POM121C: variants seen among roughly 807,000 people sequenced by gnomAD.
The protein encoded by POM121C is nuclear envelope pore membrane protein POM 121C.
A neutral mutation model predicts 66.4 loss-of-function variants in POM121C; 20 were observed. The ratio of observed to expected loss-of-function variants is 0.30; its 90% confidence interval spans 0.21 to 0.44. POM121C has a LOEUF of 0.44. Ranked by LOEUF, POM121C falls within the 20% of genes least tolerant of loss-of-function variation. The pLI is 1.00. For synonymous variants in POM121C, 286 were observed against 528.0 expected (o/e 0.54, Z 6.28); for missense variants, 580 against 1,225.7 (o/e 0.47, Z 7.87).
intron 7 of POM121C, among the ~76,000 whole-genome samples, chr7:75,428,700 C>A (rs1204195933): frequency 6.6e-6 from 1 of 152,178 alleles, no homozygotes; most frequent in Non-Finnish European, 1.5e-5. Flanking sequence ...GCCAAAGGGG[C>A]CGGATGAGGT....
rs782308199 is a variant in POM121C at position 75,422,037 on chromosome 7, C to G, written c.2215G>C (p.Ala739Pro). 1.2e-4 allele frequency: 186 copies of G among 1,613,174 alleles called. 2 individuals carry two copies. Among genetic ancestry groups the G allele is most frequent in the Non-Finnish European group, 1.5e-4 (182 of 1,179,488 alleles). ...SFTFGNSAAPAPATAPTPAPA... is the reference protein window; with the variant it reads ...SFTFGNSAAPPPATAPTPAPA... ...GCAGGTGTGGGTGCAGTAGCCGGGG[C>G]CGGGGCTGCAGAGTTTCCAAAAGTG... The change falls in exon 13 of 15, where the codon GCC becomes CCC. Residue 739 changes from alanine (A) to proline (P), a missense_variant. Transcript: ENST00000615331.
chr7:75,481,002 G>A (rs1201819216), intron 1 of POM121C, among the ~76,000 whole-genome samples: 6 of 148,510 alleles, frequency 4.0e-5, no homozygotes, highest in East Asian at 1.9e-4. Context: ...GGCATGACAC[G>A]TTATACCCAC....
rs1789725643 is a variant in POM121C at position 75,421,871 on chromosome 7, A to G, written c.2381T>C (p.Phe794Ser). ...GGAGAAGACAGCAGTGGAGCCGCCA[A>G]AGGCGGGCTGTGAGCTGGCGGGAGC... is the stretch of plus-strand genomic sequence containing the variant. ...FGAPASSQPA[F>S]GGSTAVFSFG... is the part of the protein sequence containing the mutation. The change falls in exon 13 of 15, where the codon TTT becomes TCT. Residue 794 changes from phenylalanine (F) to serine (S), a missense_variant. Physicochemically the swap from Phe to Ser is radical, Grantham distance 155. Transcript: ENST00000615331. The G allele has an allele frequency of 3.1e-6, 5 of 1,611,670 alleles. No individual in the cohort carries two copies. The highest frequency in any genetic ancestry group is 4.2e-6 in the Non-Finnish European group (5 of 1,179,380).
At chr7:75,442,219 CGGCTGGGAG>C in intron 3 of POM121C, 3 of 1,116,624 alleles carry the variant, frequency 2.7e-6, no homozygotes, top group Non-Finnish European at 3.4e-6. Context: ...CGCGATGGGT[CGGCTGGGAG>C]GGCGGTGTGG....
intron 3 of POM121C, among the ~76,000 whole-genome samples, chr7:75,447,752 A>G (rs1554474981): frequency 6.6e-6 from 1 of 151,734 alleles, no homozygotes; most frequent in African/African-American, 2.4e-5. Flanking sequence ...GGCCAGGAGC[A>G]GTGGCTCACG....
chr7:75,449,961 C>T (rs1790965490), intron 3 of POM121C, among the ~76,000 whole-genome samples: 1 of 152,062 alleles, frequency 6.6e-6, no homozygotes, highest in Non-Finnish European at 1.5e-5. Flanking sequence ...GTTGAGTGAG[C>T]CGAGATCGTG....
At chr7:75,452,030 G>T (rs1440102233) in intron 3 of POM121C, among the ~76,000 whole-genome samples, 1 of 151,692 alleles carries the variant, frequency 6.6e-6, no homozygotes, top group Admixed American at 6.6e-5. Flanking sequence ...CTGGCATGGT[G>T]GTGGGCACCT....
At chr7:75,467,254 G>A (rs372280189) in intron 3 of POM121C, among the ~76,000 whole-genome samples, 149 of 152,140 alleles carry the variant, frequency 9.8e-4, no homozygotes, top group African/African-American at 3.1e-3. Context: ...GTAAAGCACC[G>A]GGCGTGGTGG....
Position 75,485,417 on chromosome 7 carries a change from A to G in POM121C, c.-458+447T>C, listed in dbSNP as rs587719934. On this transcript the variant is annotated intron_variant, in intron 1 of 14. Transcript: ENST00000615331. The stretch of plus-strand genomic sequence containing the variant: ...GTGACCTGGTCAAGTCACCCACCTA[A>G]GGCCCAGTCTCTTCCCCTAGCAACT... 1.7e-3 allele frequency among the ~76,000 whole-genome samples: 262 copies of G among 152,224 alleles called. 3 individuals are homozygous for G. In the East Asian group the frequency reaches 0.029, roughly 17 times the overall value.
At chr7:75,457,211 G>C (rs1354311425) in intron 3 of POM121C, among the ~76,000 whole-genome samples, 1 of 149,666 alleles carries the variant, frequency 6.7e-6, no homozygotes, top group Admixed American at 6.7e-5. Flanking sequence ...ATAAATACAT[G>C]AAGCAACGAT....
chr7:75,473,684 T>C (rs1254190252), intron 3 of POM121C, among the ~76,000 whole-genome samples: 1 of 151,818 alleles, frequency 6.6e-6, no homozygotes, highest in Non-Finnish European at 1.5e-5. Context: ...GTTTGTTTGT[T>C]TGTTTGTTTT....
At chr7:75,478,947 A>T (rs2116543481) in intron 1 of POM121C, among the ~76,000 whole-genome samples, 1 of 146,706 alleles carries the variant, frequency 6.8e-6, no homozygotes, top group Middle Eastern at 3.5e-3. Context: ...GACATATTGC[A>T]ATCAAATTGT....
chr7:75,426,044 A>AGCTC (rs1423229330), intron 8 of POM121C, among the ~76,000 whole-genome samples: 17 of 150,424 alleles, frequency 1.1e-4, no homozygotes, highest in African/African-American at 3.4e-4. Context: ...CTAGGGGATC[A>AGCTC]GCTCGAGTCA....
intron 1 of POM121C, among the ~76,000 whole-genome samples, chr7:75,481,810 T>TG (rs1792320084): frequency 6.6e-6 from 1 of 152,080 alleles, no homozygotes; most frequent in South Asian, 2.1e-4. Flanking sequence ...AGTGAGACTC[T>TG]GTCTCCAAAA....
chr7:75,477,065 A>G (rs1792111367), intron 1 of POM121C, among the ~76,000 whole-genome samples: 1 of 151,450 alleles, frequency 6.6e-6, no homozygotes, highest in Admixed American at 6.6e-5. Context: ...TATGTGACAT[A>G]TGTATTTCAA....
Position 75,469,101 on chromosome 7 carries a change from CTTT to C in POM121C, c.-152+5600_-152+5602del, listed in dbSNP as rs782685382. On this transcript the variant is annotated intron_variant, in intron 3 of 14. Transcript: ENST00000615331. Reference sequence around the variant, plus strand: ...TCTGCAAATCTTTTGGGTCTACTTTCTTTTTTTTTTTTTTCCTAGACAGGGTCT... The same window carrying C: ...TCTGCAAATCTTTTGGGTCTACTTTCTTTTTTTTTTTCCTAGACAGGGTCT... 1.7e-4 allele frequency among the ~76,000 whole-genome samples: 24 copies of C among 143,530 alleles called. No individual in the cohort carries two copies. The South Asian group carries it at 2.2e-3, about 13-fold the overall frequency. The allele number at this position is 143,530 out of a possible 152,430, so 94.2% of individuals were successfully genotyped here. A position where few individuals can be genotyped will look rare whatever the true frequency, so the allele number is the denominator to read the frequency against.
Position 75,416,813 on chromosome 7 carries a change from A to G in POM121C, c.*1983T>C, listed in dbSNP as rs587622152. 6.7e-7 allele frequency: 1 copy of G among 1,485,408 alleles called. No homozygotes were observed. The highest frequency in any genetic ancestry group is 1.4e-5 in the South Asian group (1 of 71,950). 92.0% of individuals were successfully genotyped at this position (1,485,408 alleles called of 1,614,324 possible). A position where few individuals can be genotyped will look rare whatever the true frequency, so the allele number is the denominator to read the frequency against. ...CGATAGATCACAGTTTTTTATTCTT[A>G]ATGTCACAAGCAGGAGAAAAATCTC... On this transcript the variant is annotated 3_prime_UTR_variant, in exon 15 of 15. Coordinates refer to ENST00000615331, the MANE Select transcript of POM121C (RefSeq NM_001099415.3).
At chr7:75,484,257 C>A (rs1792421162) in intron 1 of POM121C, 19 of 1,601,452 alleles carry the variant, frequency 1.2e-5, no homozygotes, top group Non-Finnish European at 1.5e-5. Context: ...GCTGATAGAC[C>A]TAGAGGGGCA....
At chr7:75,423,581 G>A (rs1339175272) in intron 12 of POM121C, among the ~76,000 whole-genome samples, 2 of 151,222 alleles carry the variant, frequency 1.3e-5, no homozygotes, top group African/African-American at 2.4e-5. Context: ...CTTGAGCAGG[G>A]AGGGTGCGTA....
Sources: gnomAD v4.1 joint callset for allele counts (sites outside exome capture counted in the v4.1 genomes callset) on GRCh38, gnomAD v4.1.1 for gene constraint, MANE v1.5 for transcripts, NCBI Gene and HGNC (gene_info 2026-07-23, HGNC 2026-07-21) for gene names.